Variants in LINGO2 observed in about 807,000 individuals in gnomAD.
LINGO2 encodes leucine-rich repeat and immunoglobulin-like domain-containing nogo receptor-interacting protein 2.
LINGO2 carries 14 observed loss-of-function variants against 30.6 expected under a neutral mutation model. That is an observed-to-expected ratio of 0.46 (90% CI 0.30 to 0.72). LINGO2 has a LOEUF of 0.72. Ranked by LOEUF, LINGO2 falls within the 30% of genes least tolerant of loss-of-function variation. The pLI is 0.07. For missense variants in LINGO2, 729 were observed against 751.7 expected, an observed-to-expected ratio of 0.97 and a Z score of 0.35; for synonymous variants, 317 against 288.5, an observed-to-expected ratio of 1.10 and a Z score of -1.00.
chr9:28,294,696 C>T (rs745564045), intron 4 of LINGO2, among the ~76,000 whole-genome samples: 1 of 152,002 alleles, frequency 6.6e-6, no homozygotes, highest in Non-Finnish European at 1.5e-5. Context: ...CATTGTATCA[C>T]CATCTTAAAT....
the LINGO2 span, among the ~76,000 whole-genome samples, chr9:28,756,287 T>G: frequency 1.3e-5 from 2 of 151,990 alleles, no homozygotes; most frequent in East Asian, 3.9e-4. Context: ...TGTAGTCCCT[T>G]TGTTTTGGCC....
chr9:28,277,232 A>C (rs1823147071), intron 4 of LINGO2, among the ~76,000 whole-genome samples: 1 of 152,152 alleles, frequency 6.6e-6, no homozygotes, highest in African/African-American at 2.4e-5. Context: ...TTGTTAATAT[A>C]TCTGTAACAG....
chr9:28,609,162 T>TTG lies in LINGO2; in HGVS notation c.-365+61037_-365+61038insCA, dbSNP rs1290060766. Among the ~76,000 whole-genome samples, 7 of 151,838 alleles carry TTG rather than the reference T, an allele frequency of 4.6e-5. No individual in the cohort carries two copies. The South Asian group carries it at 1.5e-3, about 31-fold the overall frequency. ...TGGATTAATGAGCTAAAGAGTTTTT[T>TTG]TTTTTTTTTTACAAAACTATAAAAA... On this transcript the variant is annotated intron_variant, in intron 1 of 5. Transcript: ENST00000379992.
chr9:28,199,366 G>T (rs1190599168), intron 4 of LINGO2, among the ~76,000 whole-genome samples: 1 of 122,838 alleles, frequency 8.1e-6, no homozygotes, highest in East Asian at 2.1e-4. Flanking sequence ...TTGAGACGGA[G>T]TCTCGCTCTG....
chr9:28,660,336 C>T (rs922504205), intron 1 of LINGO2, among the ~76,000 whole-genome samples: 1 of 151,464 alleles, frequency 6.6e-6, no homozygotes, highest in Admixed American at 6.6e-5. Flanking sequence ...CTAAGAAATA[C>T]ACAAAGATAA....
the LINGO2 span, among the ~76,000 whole-genome samples, chr9:29,054,853 G>A: frequency 6.6e-6 from 1 of 152,114 alleles, no homozygotes; most frequent in African/African-American, 2.4e-5. Context: ...GACAGGATCA[G>A]ATGAGGCAAG....
the LINGO2 span, among the ~76,000 whole-genome samples, chr9:28,911,963 C>A: frequency 2.0e-5 from 3 of 152,036 alleles, no homozygotes; most frequent in Non-Finnish European, 4.4e-5. Flanking sequence ...GAACATTTTT[C>A]TATATTGAAG....
At chr9:28,673,934 C>A (rs545607357), upstream of LINGO2, among the ~76,000 whole-genome samples, 30 of 150,848 alleles carry the variant, frequency 2.0e-4, no homozygotes, top group African/African-American at 7.1e-4. Flanking sequence ...CAAAAGATAC[C>A]CCCAAACCAT....
chr9:28,973,907 A>G, the LINGO2 span, among the ~76,000 whole-genome samples: 2 of 152,232 alleles, frequency 1.3e-5, no homozygotes, highest in South Asian at 2.1e-4. Context: ...GAGTACTTCA[A>G]TCAGAAGAAA....
intron 3 of LINGO2, among the ~76,000 whole-genome samples, chr9:28,351,267 A>G (rs1393892587): frequency 2.9e-5 from 4 of 138,750 alleles, no homozygotes; most frequent in African/African-American, 1.1e-4. Context: ...ACTAATAAAG[A>G]AAAAAAGAGA....
At chr9:28,826,247 A>G in the LINGO2 span, among the ~76,000 whole-genome samples, 1 of 152,200 alleles carries the variant, frequency 6.6e-6, no homozygotes, top group Non-Finnish European at 1.5e-5. Context: ...CACTGTTATC[A>G]ACATCACCAT....
chr9:28,613,336 T>G (rs1260220759), intron 1 of LINGO2, among the ~76,000 whole-genome samples: 3 of 152,078 alleles, frequency 2.0e-5, no homozygotes, highest in South Asian at 2.1e-4. Context: ...TACATATGTA[T>G]TTTCTAAATG....
Position 28,199,898 on chromosome 9 carries a change from T to C in LINGO2, c.-87+95310A>G, listed in dbSNP as rs189200238. 1.9e-4 allele frequency among the ~76,000 whole-genome samples: 28 copies of C among 150,976 alleles called. 1 individual carries two copies. The highest frequency in any genetic ancestry group is 1.3e-3 in the Admixed American group (20 of 15,114). On this transcript the variant is annotated intron_variant, in intron 4 of 5. Transcript: ENST00000379992. ...ACCTTTTAAAGTATTAGTATAGGGC[T>C]CCAAAACTACAGGTCATAAAGATAA...
At chr9:28,936,108 C>G in the LINGO2 span, among the ~76,000 whole-genome samples, 1 of 152,120 alleles carries the variant, frequency 6.6e-6, no homozygotes, top group South Asian at 2.1e-4. Context: ...TAATTATTCA[C>G]AAACAAATTT....
the LINGO2 span, among the ~76,000 whole-genome samples, chr9:28,887,323 G>C: frequency 1.3e-5 from 2 of 151,872 alleles, no homozygotes; most frequent in Non-Finnish European, 2.9e-5. Flanking sequence ...TGAGCTCCTT[G>C]AATGAGGCCT....
the LINGO2 span, among the ~76,000 whole-genome samples, chr9:29,200,717 A>T: frequency 6.6e-6 from 1 of 152,102 alleles, no homozygotes; most frequent in East Asian, 1.9e-4. Flanking sequence ...CTTTATTCAG[A>T]TCTCCTTAGT....
intron 1 of LINGO2, among the ~76,000 whole-genome samples, chr9:28,599,464 T>C (rs1238972891): frequency 6.6e-6 from 1 of 152,164 alleles, no homozygotes; most frequent in Admixed American, 6.6e-5. Context: ...GTTGGTGGCT[T>C]GTTAAATAGA....
the LINGO2 span, among the ~76,000 whole-genome samples, chr9:29,124,098 A>T: frequency 6.6e-6 from 1 of 152,328 alleles, no homozygotes; most frequent in South Asian, 2.1e-4. Flanking sequence ...GGCCTCAGAA[A>T]TAAAACCACA....
At chr9:29,150,444 T>C in the LINGO2 span, among the ~76,000 whole-genome samples, 1 of 152,176 alleles carries the variant, frequency 6.6e-6, no homozygotes, top group Non-Finnish European at 1.5e-5. Context: ...TGAAATGACA[T>C]ACATTGAATA....
Sources: allele counts gnomAD v4.1 joint callset (sites outside exome capture counted in the v4.1 genomes callset), GRCh38; gene constraint gnomAD v4.1.1; transcripts MANE v1.5; gene names NCBI Gene and HGNC (gene_info 2026-07-23, HGNC 2026-07-21).